Variants in RFTN1 observed in about 807,000 individuals in gnomAD.
The protein encoded by RFTN1 is raftlin.
In RFTN1, 26 loss-of-function variants were observed where a neutral mutation model predicts 46.5. The ratio of observed to expected loss-of-function variants is 0.56; its 90% CI spans 0.41 to 0.78. RFTN1 has a LOEUF of 0.78. Among genes scored for constraint, RFTN1 ranks in the 30% least tolerant of loss-of-function variants. The pLI is 0.00. For synonymous variants in RFTN1, 261 were observed against 284.2 expected (o/e 0.92, Z 0.82); for missense variants, 693 against 718.7 (o/e 0.96, Z 0.41).
chr3:16,475,661 T>C lies in RFTN1; in HGVS notation c.145+18064A>G, dbSNP rs116000471. Among the ~76,000 whole-genome samples, 1,813 of 152,150 alleles carry C rather than the reference T, an allele frequency of 0.012. 39 individuals are homozygous for C. The highest frequency in any genetic ancestry group is 0.041 in the African/African-American group (1,711 of 41,506). On this transcript the variant is annotated intron_variant, in intron 2 of 9. Coordinates refer to ENST00000334133, the MANE Select transcript of RFTN1 (RefSeq NM_015150.2). This position sits in a 1 kb window ranked among gnomAD's most constrained non-coding sequence, Gnocchi z 4.2. ...TTCCATGTCCAAGAGTAAAAATCAA[T>C]GGAAAACTAAAGCAACTAACAGACA...
intron 4 of RFTN1, among the ~76,000 whole-genome samples, chr3:16,392,429 T>C (rs1559318465): frequency 6.6e-6 from 1 of 152,078 alleles, no homozygotes; most frequent in Non-Finnish European, 1.5e-5. Flanking sequence ...ACAGGAGGTG[T>C]CACCGAGGTG....
intron 7 of RFTN1, among the ~76,000 whole-genome samples, chr3:16,330,892 A>G (rs1027798719): frequency 3.9e-5 from 6 of 152,256 alleles, no homozygotes; most frequent in African/African-American, 1.4e-4. Context: ...TTAGGAATTC[A>G]TAAATTGGTC....
intron 2 of RFTN1, among the ~76,000 whole-genome samples, chr3:16,456,820 T>C (rs2075914890): frequency 6.6e-6 from 1 of 152,212 alleles, no homozygotes; most frequent in Admixed American, 6.5e-5. Context: ...GGTCTTAGTA[T>C]CATTTTGAAA....
Position 16,337,882 on chromosome 3 carries a change from G to A in RFTN1, c.1147-11006C>T, listed in dbSNP as rs192218086. ...ACCTAGCCCTTATTTGCTCCAGGCCGGACACTTTGGCCTTGCATTACCTCT... is the reference window on the plus strand; with the variant it reads ...ACCTAGCCCTTATTTGCTCCAGGCCAGACACTTTGGCCTTGCATTACCTCT... On this transcript the variant is annotated intron_variant, in intron 7 of 9. Transcript: ENST00000334133. This position sits in a 1 kb window ranked among gnomAD's most constrained non-coding sequence, Gnocchi z 5.0. 5.9e-5 allele frequency among the ~76,000 whole-genome samples: 9 copies of A among 152,224 alleles called. No homozygotes were observed. Among genetic ancestry groups the A allele is most frequent in the Admixed American group, 1.3e-4 (2 of 15,298 alleles).
At position 16,371,303 on chromosome 3, in the gene RFTN1, C is replaced by A. The variant is rs1267314733; in HGVS notation, c.827-1024G>T. Among the ~76,000 whole-genome samples the A allele has an allele frequency of 7.2e-5, 11 of 152,348 alleles. No homozygotes were observed. In the East Asian group the frequency reaches 2.1e-3, roughly 29 times the overall value. ...CCTGCATGAAACACCTGGACCCACA[C>A]TCTCTGATGCTGTTTCTCAGATTTC... On this transcript the variant is annotated intron_variant, in intron 5 of 9. Transcript: ENST00000334133.
At chr3:16,386,734 C>T (rs2074188906) in intron 4 of RFTN1, among the ~76,000 whole-genome samples, 1 of 152,132 alleles carries the variant, frequency 6.6e-6, no homozygotes, top group Non-Finnish European at 1.5e-5. Context: ...AATCTGCCCA[C>T]AGGATGTGGT....
intron 4 of RFTN1, among the ~76,000 whole-genome samples, chr3:16,403,642 A>T (rs1456781246): frequency 8.6e-5 from 3 of 34,990 alleles, no homozygotes; most frequent in South Asian, 7.3e-4. Context: ...ATAATATATA[A>T]TATATATATA....
Position 16,345,790 on chromosome 3 carries a change from G to GTC in RFTN1, c.1146+12141_1146+12142insGA, listed in dbSNP as rs199897646. Among the ~76,000 whole-genome samples the GTC allele has an allele frequency of 0.019, 1,194 of 63,934 alleles. 13 individuals carry two copies. The highest frequency in any genetic ancestry group is 0.069 in the African/African-American group (955 of 13,892). 41.9% of individuals were successfully genotyped at this position (63,934 alleles called of 152,430 possible). On this transcript the variant is annotated intron_variant, in intron 7 of 9. Coordinates refer to ENST00000334133, the MANE Select transcript of RFTN1 (RefSeq NM_015150.2). The surrounding 1 kb of genome is among the most constrained non-coding windows in gnomAD (Gnocchi z 5.2). ...AGCCAAAACCTTATAATAAATCTCT[G>GTC]TGTGTGTGTGTGTGTGTGTGTGTGT...
At position 16,457,743 on chromosome 3, in the gene RFTN1, C is replaced by A. The variant is rs1297420511; in HGVS notation, c.146-23706G>T. Among the ~76,000 whole-genome samples, 2 of 152,110 alleles carry A rather than the reference C, an allele frequency of 1.3e-5. No individual in the cohort carries two copies. Among genetic ancestry groups the A allele is most frequent in the Admixed American group, 1.3e-4 (2 of 15,274 alleles). ...CTATTAGACAAAGGAGACTTTTTAC[C>A]ATTAAGACTTAATTCGATAGACATG... On this transcript the variant is annotated intron_variant, in intron 2 of 9. Coordinates refer to ENST00000334133, the MANE Select transcript of RFTN1 (RefSeq NM_015150.2). The surrounding 1 kb of genome is among the most constrained non-coding windows in gnomAD (Gnocchi z 4.2).
In RFTN1 at chr3:16,387,023, A is replaced by G. The variant is rs546998504; in HGVS notation, c.442-8921T>C. On this transcript the variant is annotated intron_variant, in intron 4 of 9. Transcript: ENST00000334133. This position sits in a 1 kb window ranked among gnomAD's most constrained non-coding sequence, Gnocchi z 5.2. ...GGATTGTCTGAACAAGCTGGGACATATGGTCACCTGGTTCAGTGTGACCAG... is the reference window on the plus strand; with the variant it reads ...GGATTGTCTGAACAAGCTGGGACATGTGGTCACCTGGTTCAGTGTGACCAG... Among the ~76,000 whole-genome samples, 1 of 152,352 alleles carries G rather than the reference A, an allele frequency of 6.6e-6. No individual in the cohort carries two copies. The highest frequency in any genetic ancestry group is 1.5e-5 in the Non-Finnish European group (1 of 68,030).
At chr3:16,488,457 C>T (rs2076487292) in intron 2 of RFTN1, among the ~76,000 whole-genome samples, 1 of 152,156 alleles carries the variant, frequency 6.6e-6, no homozygotes, top group African/African-American at 2.4e-5. Context: ...ATCAGGTGGA[C>T]ATGGGCCAAT....
rs1190686258 is a variant in RFTN1 at position 16,443,904 on chromosome 3, A to G, written c.146-9867T>C. On this transcript the variant is annotated intron_variant, in intron 2 of 9. Coordinates refer to ENST00000334133, the MANE Select transcript of RFTN1 (RefSeq NM_015150.2). The surrounding 1 kb of genome is among the most constrained non-coding windows in gnomAD (Gnocchi z 5.5). The stretch of plus-strand genomic sequence containing the variant: ...GCATTATTGTTCACCTCACCAGTCC[A>G]TTTTGTCAGAGAAGACACAGGCTAA... 6.6e-6 allele frequency among the ~76,000 whole-genome samples: 1 copy of G among 152,274 alleles called. No individual in the cohort carries two copies. Among genetic ancestry groups the G allele is most frequent in the East Asian group, 1.9e-4 (1 of 5,174 alleles).
chr3:16,505,360 C>T (rs2076785990), intron 1 of RFTN1, among the ~76,000 whole-genome samples: 1 of 152,192 alleles, frequency 6.6e-6, no homozygotes, highest in African/African-American at 2.4e-5. Context: ...TCCAGTGGAC[C>T]TCCACCTGAC....
Position 16,410,336 on chromosome 3 carries a change from C to T in RFTN1, c.333-853G>A, listed in dbSNP as rs1034554302. ...ACAGAAAAAGAACAAGCAAGACATA[C>T]ACCAAACCAATAATAGCAGGTACCC... On this transcript the variant is annotated intron_variant, in intron 3 of 9. Coordinates refer to ENST00000334133, the MANE Select transcript of RFTN1 (RefSeq NM_015150.2). The surrounding 1 kb of genome is among the most constrained non-coding windows in gnomAD (Gnocchi z 4.6). Among the ~76,000 whole-genome samples the T allele has an allele frequency of 9.2e-5, 14 of 151,932 alleles. No homozygotes were observed. Among genetic ancestry groups the T allele is most frequent in the South Asian group, 8.3e-4 (4 of 4,794 alleles).
At chr3:16,375,724 T>C (rs186801792) in intron 5 of RFTN1, among the ~76,000 whole-genome samples, 6 of 152,314 alleles carry the variant, frequency 3.9e-5, no homozygotes, top group African/African-American at 1.2e-4. Context: ...AAGGAGGCTT[T>C]AATCCCTCCT....
chr3:16,368,817 G>C (rs372192921), intron 6 of RFTN1, among the ~76,000 whole-genome samples: 1 of 152,216 alleles, frequency 6.6e-6, no homozygotes, highest in Non-Finnish European at 1.5e-5. Flanking sequence ...TTCAGATGCA[G>C]TATCCACATT....
At chr3:16,482,371 C>T (rs933538998) in intron 2 of RFTN1, among the ~76,000 whole-genome samples, 2 of 152,320 alleles carry the variant, frequency 1.3e-5, no homozygotes, top group Non-Finnish European at 2.9e-5. Flanking sequence ...CTATTCTCAT[C>T]CCCACCATCT....
intron 2 of RFTN1, among the ~76,000 whole-genome samples, chr3:16,462,075 G>A (rs1168017436): frequency 6.6e-6 from 1 of 152,194 alleles, no homozygotes; most frequent in Non-Finnish European, 1.5e-5. Context: ...CGTAAGGCAA[G>A]GAGGTCTGAA....
At chr3:16,378,431 G>A (rs1375051642) in intron 4 of RFTN1, among the ~76,000 whole-genome samples, 1 of 152,222 alleles carries the variant, frequency 6.6e-6, no homozygotes, top group Non-Finnish European at 1.5e-5. Flanking sequence ...TAAACAAAGA[G>A]TTTGAAGGAG....
Sources: gnomAD v4.1 joint callset for allele counts (sites outside exome capture counted in the v4.1 genomes callset) on GRCh38, gnomAD v4.1.1 for gene constraint, Gnocchi (gnomAD v3.1) non-coding constraint, MANE v1.5 for transcripts, NCBI Gene and HGNC (gene_info 2026-07-23, HGNC 2026-07-21) for gene names.